Variants in NVL observed in about 807,000 individuals in gnomAD.
The protein encoded by NVL is nuclear VCP like, also known as nuclear valosin-containing protein-like.
NVL carries 84 observed loss-of-function variants against 110.2 expected under a neutral mutation model. That is an observed-to-expected ratio of 0.76 (90% CI 0.64 to 0.91). NVL has a LOEUF of 0.91. Ranked by LOEUF, NVL falls within the 40% of genes least tolerant of loss-of-function variation. The pLI is 0.00. For synonymous variants in NVL, 354 were observed against 361.1 expected (o/e 0.98, Z 0.22); for missense variants, 882 against 1,035.9 (o/e 0.85, Z 2.04).
chr1:224,244,002 C>T (rs1197863681), intron 19 of NVL, among the ~76,000 whole-genome samples: 1 of 151,340 alleles, frequency 6.6e-6, no homozygotes, highest in East Asian at 2.0e-4. Flanking sequence ...AAGTATTTGG[C>T]AGATATCAAA....
intron 5 of NVL, among the ~76,000 whole-genome samples, chr1:224,309,649 T>G (rs754609596): frequency 1.3e-5 from 2 of 152,176 alleles, no homozygotes; most frequent in Non-Finnish European, 2.9e-5. Flanking sequence ...CATCCAGGGA[T>G]TCAATGAACC....
intron 15 of NVL, among the ~76,000 whole-genome samples, chr1:224,285,418 G>A (rs946687829): frequency 6.6e-6 from 1 of 152,268 alleles, no homozygotes; most frequent in African/African-American, 2.4e-5. Flanking sequence ...CTGGGCGACA[G>A]AATGAGACTC....
At chr1:224,235,535 G>A (rs1220998580) in intron 20 of NVL, among the ~76,000 whole-genome samples, 2 of 152,028 alleles carry the variant, frequency 1.3e-5, no homozygotes, top group Non-Finnish European at 2.9e-5. Flanking sequence ...CCTATTTAAG[G>A]GGAGGTAGAG....
At chr1:224,278,456 C>T (rs1665993248) in intron 16 of NVL, among the ~76,000 whole-genome samples, 1 of 152,020 alleles carries the variant, frequency 6.6e-6, no homozygotes, top group South Asian at 2.1e-4. Flanking sequence ...GTCTTAAATT[C>T]TTGACCTCAA....
At chr1:224,237,760 T>C (rs1217554189) in intron 19 of NVL, among the ~76,000 whole-genome samples, 3 of 133,922 alleles carry the variant, frequency 2.2e-5, no homozygotes, top group Non-Finnish European at 3.1e-5. Context: ...AGTCTCGCTC[T>C]GGAGTGCAGT....
At position 224,304,787 on chromosome 1, in the gene NVL, C is replaced by A. The variant is rs960001855; in HGVS notation, c.774G>T (p.Gln258His). 2 of 1,614,078 alleles carry A rather than the reference C, an allele frequency of 1.2e-6. No homozygotes were observed. Among genetic ancestry groups the A allele is most frequent in the African/African-American group, 1.3e-5 (1 of 75,052 alleles). ...CATCTTCAAACTTCACGTTGGAGAT[C>A]TGGAATTCTAACCCCCTGGCTTTAG... ...KKAKARGLEF[Q>H]ISNVKFEDVG... The change falls in exon 8 of 23, where the codon CAG becomes CAT. Residue 258 changes from glutamine to histidine, a missense_variant. Around this residue, in one of 4 missense-constraint regions of NVL, gnomAD observed 416 missense variants for 499.3 expected, o/e 0.83. Coordinates refer to ENST00000281701, the MANE Select transcript of NVL (RefSeq NM_002533.4).
chr1:224,251,978 C>T (rs1662561359), intron 18 of NVL, among the ~76,000 whole-genome samples: 2 of 152,178 alleles, frequency 1.3e-5, no homozygotes, highest in Admixed American at 6.6e-5. Context: ...AATTCCGCTC[C>T]CACTGCAGAA....
intron 18 of NVL, among the ~76,000 whole-genome samples, chr1:224,254,578 T>TG (rs1009705319): frequency 1.3e-4 from 19 of 144,270 alleles, no homozygotes; most frequent in East Asian, 2.0e-4. Flanking sequence ...TTTTGTTTTT[T>TG]TTTTTTTTGT....
At chr1:224,324,689 T>C (rs2404860) in intron 2 of NVL, among the ~76,000 whole-genome samples, 151,425 of 152,322 alleles carry the variant, frequency 0.99, 75,279 homozygotes, top group East Asian at 1. Context: ...CCCCTCAAAA[T>C]GCTGGGATTA....
rs1662337729 is a variant in NVL at position 224,250,401 on chromosome 1, A to C, written c.2183-83T>G. 5.5e-6 allele frequency: 7 copies of C among 1,265,136 alleles called. No homozygotes were observed. The African/African-American group carries it at 9.3e-5, about 17-fold the overall frequency. 78.4% of individuals were successfully genotyped at this position (1,265,136 alleles called of 1,614,324 possible). On this transcript the variant is annotated intron_variant, in intron 18 of 22. Transcript: ENST00000281701. The stretch of plus-strand genomic sequence containing the variant: ...TTTTTTTGAGAGAGGGTCTTGTTCC[A>C]TCTCCCAGGCTGGAGTGCAGTGGCA...
intron 2 of NVL, among the ~76,000 whole-genome samples, chr1:224,325,563 G>A (rs928659346): frequency 6.6e-6 from 1 of 152,040 alleles, no homozygotes; most frequent in Non-Finnish European, 1.5e-5. Flanking sequence ...GTGAAGCCCT[G>A]TCTCTACTAA....
At chr1:224,269,893 G>A (rs1664890377) in intron 17 of NVL, 1 of 150,544 alleles carries the variant, frequency 6.6e-6, no homozygotes, top group African/African-American at 2.4e-5. Context: ...GGGACTACAG[G>A]TATGCACCAC....
chr1:224,284,574 T>G (rs1666675707), intron 15 of NVL, among the ~76,000 whole-genome samples: 1 of 152,012 alleles, frequency 6.6e-6, no homozygotes, highest in Admixed American at 6.6e-5. Flanking sequence ...GAGACAGGGT[T>G]TTACCATGTT....
intron 20 of NVL, among the ~76,000 whole-genome samples, chr1:224,234,950 G>A (rs1015442723): frequency 6.6e-6 from 1 of 152,068 alleles, no homozygotes; most frequent in African/African-American, 2.4e-5. Context: ...TTTCAGATTT[G>A]AGCACTTAAA....
intron 18 of NVL, among the ~76,000 whole-genome samples, chr1:224,267,113 G>A (rs1664569909): frequency 6.6e-6 from 1 of 152,102 alleles, no homozygotes; most frequent in African/African-American, 2.4e-5. Flanking sequence ...CTTCGGGCAG[G>A]GGACTGATCA....
At chr1:224,249,030 C>A (rs1387346641) in intron 19 of NVL, among the ~76,000 whole-genome samples, 3 of 152,238 alleles carry the variant, frequency 2.0e-5, no homozygotes, top group Non-Finnish European at 4.4e-5. Flanking sequence ...AGCTCCCTCT[C>A]CCATCCCAAG....
intron 18 of NVL, among the ~76,000 whole-genome samples, chr1:224,267,107 G>A (rs551908864): frequency 5.9e-5 from 9 of 152,108 alleles, no homozygotes; most frequent in Non-Finnish European, 1.2e-4. Context: ...AGATAGCTTC[G>A]GGCAGGGGAC....
At chr1:224,268,848 C>T (rs1297016882) in intron 17 of NVL, among the ~76,000 whole-genome samples, 3 of 151,450 alleles carry the variant, frequency 2.0e-5, no homozygotes, top group South Asian at 2.1e-4. Flanking sequence ...AGTAGAGATG[C>T]GGTTTCACCA....
intron 6 of NVL, 127 bp from the exon 7 acceptor site, chr1:224,305,293 T>G: frequency 1.1e-6 from 1 of 870,032 alleles, no homozygotes; most frequent in Non-Finnish European, 1.7e-6. Context: ...CTGTTAACTA[T>G]TCCCAATCTC....
Sources: gnomAD v4.1 joint callset for allele counts (sites outside exome capture counted in the v4.1 genomes callset) on GRCh38, gnomAD v4.1.1 for gene constraint, gnomAD v4.1.1 regional missense constraint, MANE v1.5 for transcripts, NCBI Gene and HGNC (gene_info 2026-07-23, HGNC 2026-07-21) for gene names.